Variants in AFF2 observed in about 807,000 individuals in gnomAD.
AFF2 encodes the protein AF4/FMR2 family member 2.
A neutral mutation model predicts 76.9 loss-of-function variants in AFF2; 14 were observed. That is an observed-to-expected ratio of 0.18 (90% confidence interval 0.12 to 0.28). AFF2 has a LOEUF of 0.28. Among genes scored for constraint, AFF2 ranks in the 10% least tolerant of loss-of-function variants. The probability of loss-of-function intolerance (pLI) is 1.00; values close to 1 mark genes in which losing one functional copy is unlikely to be tolerated. For missense variants in AFF2, 868 were observed against 1,001.1 expected (o/e 0.87, Z 1.79); for synonymous variants, 398 against 366.7 (o/e 1.09, Z -0.98).
chrX:148,581,225 T>TACGTATACGTATACGTATACAC lies in AFF2; in HGVS notation c.48-70758_48-70757insATACACACGTATACGTATACGT, dbSNP rs1569551618. ...TATACGTATACACACATATATAATA[T>TACGTATACGTATACGTATACAC]ACGTATACGTATACGTGTACACACA... On this transcript the variant is annotated intron_variant, in intron 1 of 20. Transcript: ENST00000370460. 5.9e-4 allele frequency among the ~76,000 whole-genome samples: 11 copies of TACGTATACGTATACGTATACAC among 18,489 alleles called. 1 individual carries two copies. Among genetic ancestry groups the TACGTATACGTATACGTATACAC allele is most frequent in the African/African-American group, 3.4e-3 (9 of 2,630 alleles). The allele number at this position is 18,489 out of a possible 115,157, so 16.1% of individuals were successfully genotyped here.
Position 148,662,658 on chromosome X carries a change from T to G in AFF2, c.931T>G (p.Phe311Val), listed in dbSNP as rs2054319945. ...ACCAACACTGAAACCTTCAATTGAA[T>G]TTGAGAACAGCTTTGGGAATCTGTC... Reference protein sequence around the residue: ...ISPTLKPSIEFENSFGNLSFG... With the variant: ...ISPTLKPSIEVENSFGNLSFG... Residue 311 changes from phenylalanine (F) to valine (V), a missense_variant, in exon 3 of 21, where the codon TTT becomes GTT. Coordinates refer to ENST00000370460, the MANE Select transcript of AFF2 (RefSeq NM_002025.4). 6.6e-6 allele frequency: 8 copies of G among 1,211,924 alleles called. No individual in the cohort carries two copies. The highest frequency in any genetic ancestry group is 8.9e-6 in the Non-Finnish European group (8 of 895,566).
chrX:148,975,158 G>T (rs1037794837), intron 16 of AFF2, among the ~76,000 whole-genome samples: 13 of 112,038 alleles, frequency 1.2e-4, no homozygotes, highest in Non-Finnish European at 1.9e-5. Flanking sequence ...TAAATTGAGG[G>T]CAATTTGGCA....
chrX:148,776,480 T>G (rs185185915), intron 3 of AFF2, among the ~76,000 whole-genome samples: 102 of 112,266 alleles, frequency 9.1e-4, no homozygotes, highest in Non-Finnish European at 1.2e-3. Flanking sequence ...CCACCAACAG[T>G]GTAAAAGCAT....
At chrX:148,898,004 C>T (rs868952960) in intron 8 of AFF2, among the ~76,000 whole-genome samples, 5 of 112,384 alleles carry the variant, frequency 4.4e-5, no homozygotes, top group Non-Finnish European at 9.4e-5. Flanking sequence ...AAAGACAGTA[C>T]ATTTTTCATT....
rs1269355759 is a variant in AFF2, at chrX:148,787,152, T to A, written c.1042-22724T>A. ...GTCACAACTGTTGGCCAGAATTAAG[T>A]TTTTAACATCTTTCTTAAGTTGGCC... On this transcript the variant is annotated intron_variant, in intron 3 of 20. Transcript: ENST00000370460. 5.4e-5 allele frequency among the ~76,000 whole-genome samples: 6 copies of A among 112,112 alleles called. No homozygotes were observed. In the East Asian group the frequency reaches 1.7e-3, roughly 31 times the overall value.
At chrX:148,611,564 G>A (rs1031355584) in intron 1 of AFF2, among the ~76,000 whole-genome samples, 4 of 111,298 alleles carry the variant, frequency 3.6e-5, no homozygotes, top group South Asian at 3.7e-4. Context: ...TACCCAGTAC[G>A]TTCCCAAACT....
At chrX:148,775,717 G>A (rs1412598190) in intron 3 of AFF2, among the ~76,000 whole-genome samples, 19 of 110,618 alleles carry the variant, frequency 1.7e-4, no homozygotes, top group African/African-American at 3.6e-4. Context: ...CATCGATTTC[G>A]TCTCTGTATG....
At chrX:148,956,683 GC>G in intron 11 of AFF2, 70 bp downstream of exon 11, 3 of 1,046,305 alleles carry the variant, frequency 2.9e-6, no homozygotes, top group Non-Finnish European at 3.8e-6. Flanking sequence ...TTGATCTTGA[GC>G]CTCATCTTCA....
At chrX:148,544,857 T>C (rs936391056) in intron 1 of AFF2, among the ~76,000 whole-genome samples, 2 of 111,593 alleles carry the variant, frequency 1.8e-5, no homozygotes, top group Non-Finnish European at 1.9e-5. Flanking sequence ...GCTATGCAAA[T>C]ATCCCATTGT....
intron 3 of AFF2, among the ~76,000 whole-genome samples, chrX:148,715,428 G>A (rs926450100): frequency 9.1e-6 from 1 of 109,950 alleles, no homozygotes; most frequent in Non-Finnish European, 1.9e-5. Context: ...GTGTGTGCTC[G>A]CTGGCACACA....
At chrX:148,689,551 T>C (rs2054631047) in intron 3 of AFF2, among the ~76,000 whole-genome samples, 1 of 110,468 alleles carries the variant, frequency 9.1e-6, no homozygotes, top group African/African-American at 3.3e-5. Flanking sequence ...GGGCAATGAG[T>C]TTCTCTTTTT....
At chrX:148,532,625 TGAAA>T (rs1408266520) in intron 1 of AFF2, among the ~76,000 whole-genome samples, 1 of 112,233 alleles carries the variant, frequency 8.9e-6, no homozygotes, top group African/African-American at 3.2e-5. Flanking sequence ...AAAGAACAAT[TGAAA>T]GAAGTAGCAT....
At chrX:148,629,309 T>C (rs1005121552) in intron 1 of AFF2, among the ~76,000 whole-genome samples, 1 of 111,778 alleles carries the variant, frequency 8.9e-6, no homozygotes, top group Admixed American at 9.5e-5. Flanking sequence ...TGCCTAAAAC[T>C]TTGAGATAAA....
chrX:148,697,949 C>T (rs1281054932), intron 3 of AFF2, among the ~76,000 whole-genome samples: 1 of 112,307 alleles, frequency 8.9e-6, no homozygotes, highest in African/African-American at 3.2e-5. Context: ...ATGTAAAATA[C>T]CAGGACAGGT....
At chrX:148,728,105 G>T (rs1310520784) in intron 3 of AFF2, among the ~76,000 whole-genome samples, 1 of 112,038 alleles carries the variant, frequency 8.9e-6, no homozygotes, top group Non-Finnish European at 1.9e-5. Context: ...CTGAGCTTGG[G>T]CGTGGCATGC....
chrX:148,975,923 G>A (rs1172860064), intron 16 of AFF2, among the ~76,000 whole-genome samples: 2 of 46,753 alleles, frequency 4.3e-5, no homozygotes, highest in African/African-American at 6.2e-5. Flanking sequence ...CAGCCTGGGC[G>A]ACAGAGCGAG....
At chrX:148,665,365 G>A (rs965963640) in intron 3 of AFF2, among the ~76,000 whole-genome samples, 5 of 111,898 alleles carry the variant, frequency 4.5e-5, no homozygotes, top group Non-Finnish European at 9.4e-5. Context: ...GGTACAAACA[G>A]ACCTTGCTAG....
In AFF2 at chrX:148,842,985, C is replaced by T. The variant is rs2070618896; in HGVS notation, c.1193C>T (p.Pro398Leu). The T allele has an allele frequency of 8.3e-7, 1 of 1,204,206 alleles. No individual in the cohort carries two copies. Among genetic ancestry groups the T allele is most frequent in the Non-Finnish European group, 1.1e-6 (1 of 890,740 alleles). ...TTATAGGAATCGCAGCATCTGACCCCAGGATTCACCTTACAAAGTAAGTGG... is the reference window on the plus strand; with the variant it reads ...TTATAGGAATCGCAGCATCTGACCCTAGGATTCACCTTACAAAGTAAGTGG... ...IPGQESQHLT[P>L]GFTLQKWNDP... Residue 398 changes from proline (P) to leucine (L), a missense_variant, in exon 6 of 21, where the codon CCA (proline) becomes CTA (leucine). Pro to Leu is a moderately conservative substitution (Grantham distance 98). Around this residue, in one of 6 missense-constraint regions of AFF2, gnomAD observed 532 missense variants for 564.2 expected, o/e 0.94. Transcript: ENST00000370460.
intron 9 of AFF2, among the ~76,000 whole-genome samples, chrX:148,937,175 A>G (rs1208537417): frequency 7.1e-5 from 8 of 111,994 alleles, no homozygotes; most frequent in African/African-American, 2.6e-4. Flanking sequence ...TCTAAAAACT[A>G]TGAGACTAGA....
Sources: allele counts gnomAD v4.1 joint callset (sites outside exome capture counted in the v4.1 genomes callset), GRCh38; gene constraint gnomAD v4.1.1; regional missense constraint gnomAD v4.1.1; transcripts MANE v1.5; gene names NCBI Gene and HGNC (gene_info 2026-07-23, HGNC 2026-07-21).